Variants in NRCAM observed in about 807,000 individuals in gnomAD.
NRCAM encodes neuronal cell adhesion molecule, also known as NgCAM-related cell adhesion molecule.
NRCAM carries 83 observed loss-of-function variants against 156.5 expected under a neutral mutation model. The observed-to-expected ratio is 0.53, with a 90% CI of 0.44 to 0.64. The LOEUF is 0.64. Among genes scored for constraint, NRCAM ranks in the 30% least tolerant of loss-of-function variants. NRCAM has a pLI of 0.00. For missense variants in NRCAM, 1,417 were observed against 1,597.3 expected (o/e 0.89, Z 1.92); for synonymous variants, 538 against 563.9 (o/e 0.95, Z 0.65).
At chr7:108,274,347 G>A (rs184760772) in intron 3 of NRCAM, among the ~76,000 whole-genome samples, 1 of 152,268 alleles carries the variant, frequency 6.6e-6, no homozygotes, top group East Asian at 1.9e-4. Context: ...CTATTTTCAG[G>A]ATATTGATTC....
At chr7:108,278,677 T>C (rs934468300) in intron 3 of NRCAM, among the ~76,000 whole-genome samples, 5 of 152,200 alleles carry the variant, frequency 3.3e-5, no homozygotes, top group African/African-American at 1.2e-4. Context: ...TTCCCTTGGC[T>C]AGGAAAGGGA....
intron 2 of NRCAM, among the ~76,000 whole-genome samples, chr7:108,386,418 T>C (rs747513555): frequency 6.6e-6 from 1 of 152,328 alleles, no homozygotes; most frequent in East Asian, 1.9e-4. Context: ...AATTAATTGA[T>C]TGGAAATAAA....
intron 11 of NRCAM, among the ~76,000 whole-genome samples, chr7:108,212,795 A>T (rs1000391866): frequency 2.0e-5 from 3 of 152,206 alleles, no homozygotes; most frequent in Admixed American, 6.5e-5. Flanking sequence ...CTGAGGAATA[A>T]GAGAAATCTA....
chr7:108,228,999 G>A (rs773886763), intron 8 of NRCAM, among the ~76,000 whole-genome samples: 6 of 152,168 alleles, frequency 3.9e-5, no homozygotes, highest in Non-Finnish European at 7.4e-5. Context: ...TTAAAATGCA[G>A]ATTAAATGTT....
chr7:108,212,583 C>T (rs1225060266), intron 11 of NRCAM, among the ~76,000 whole-genome samples: 3 of 152,088 alleles, frequency 2.0e-5, no homozygotes, highest in African/African-American at 7.2e-5. Flanking sequence ...ATTGGACACA[C>T]TTATAGAAAT....
In NRCAM at chr7:108,160,844, T is replaced by A. The variant is rs146032009; in HGVS notation, c.3467-352A>T. Reference sequence around the variant, plus strand: ...TTAACAGGATACATTTTACATTAAGTATAATGAGAAAAATACAAAACTGAG... The same window carrying A: ...TTAACAGGATACATTTTACATTAAGAATAATGAGAAAAATACAAAACTGAG... On this transcript the variant is annotated intron_variant, in intron 30 of 32. Transcript: ENST00000379028. Among the ~76,000 whole-genome samples, 837 of 152,272 alleles carry A rather than the reference T, an allele frequency of 5.5e-3. 9 individuals are homozygous for A. The highest frequency in any genetic ancestry group is 4.7e-3 in the Non-Finnish European group (322 of 68,010).
intron 1 of NRCAM, among the ~76,000 whole-genome samples, chr7:108,439,472 G>C (rs1835999324): frequency 6.6e-6 from 1 of 152,160 alleles, no homozygotes; most frequent in Non-Finnish European, 1.5e-5. Flanking sequence ...ATAGCTATGA[G>C]AATATGCTCC....
chr7:108,373,241 T>G (rs893116511), intron 2 of NRCAM, among the ~76,000 whole-genome samples: 1 of 152,138 alleles, frequency 6.6e-6, no homozygotes, highest in Admixed American at 6.6e-5. Context: ...AAGTTTTAAT[T>G]AAGCAAGATG....
At chr7:108,195,580 C>T (rs112673479) in intron 15 of NRCAM, among the ~76,000 whole-genome samples, 181 bp downstream of exon 15, 2,071 of 152,016 alleles carry the variant, frequency 0.014, 48 homozygotes, top group African/African-American at 0.047. Flanking sequence ...TGTGCCACTG[C>T]ACTCCAGCCT....
Position 108,147,675 on chromosome 7 carries a change from C to CT in NRCAM, c.*2234dup, listed in dbSNP as rs2039539892. On this transcript the variant is annotated 3_prime_UTR_variant, in exon 33 of 33. Transcript: ENST00000379028. ...AGAGATCAAGACTGTTTAATAGTTA[C>CT]TTTTTTGAGGGAAATCCAGTCACAT... 2 of 152,238 alleles carry CT rather than the reference C, an allele frequency of 1.3e-5. No homozygotes were observed. The highest frequency in any genetic ancestry group is 1.3e-4 in the Admixed American group (2 of 15,274). The allele number at this position is 152,238 out of a possible 1,614,324, so 9.4% of individuals were successfully genotyped here.
At position 108,273,448 on chromosome 7, in the gene NRCAM, T is replaced by C. The variant is rs528444083; in HGVS notation, c.-106-33278A>G. Among the ~76,000 whole-genome samples the C allele has an allele frequency of 2.6e-5, 4 of 152,346 alleles. No individual in the cohort carries two copies. The East Asian group carries it at 5.8e-4, about 22-fold the overall frequency. ...TTTTAATGATCGCCCTTCTAACTGG[T>C]GTGAGATGGTATCTCATTGTGGTTT... On this transcript the variant is annotated intron_variant, in intron 3 of 32. Transcript: ENST00000379028.
At position 108,295,102 on chromosome 7, in the gene NRCAM, C is replaced by G. The variant is rs138065364; in HGVS notation, c.-107+17563G>C. On this transcript the variant is annotated intron_variant, in intron 3 of 32. Transcript: ENST00000379028. ...AGAGATTGTCAAGTATTTTGCAGCC[C>G]TCATTAAATCTGTTGATTTTGTATT... Among the ~76,000 whole-genome samples the G allele has an allele frequency of 1.4e-3, 215 of 152,222 alleles. 1 individual carries two copies. The highest frequency in any genetic ancestry group is 4.7e-3 in the African/African-American group (195 of 41,530).
At chr7:108,308,857 A>G (rs2098757404) in intron 3 of NRCAM, among the ~76,000 whole-genome samples, 1 of 152,240 alleles carries the variant, frequency 6.6e-6, no homozygotes. Context: ...TGCAAGAGGC[A>G]GAAATGAGAT....
chr7:108,377,181 T>C (rs934685994), intron 2 of NRCAM, among the ~76,000 whole-genome samples: 5 of 152,058 alleles, frequency 3.3e-5, no homozygotes, highest in Admixed American at 6.6e-5. Flanking sequence ...GAATGGAACA[T>C]ACAGACTGAA....
At chr7:108,344,232 A>G (rs1355100257) in intron 2 of NRCAM, among the ~76,000 whole-genome samples, 3 of 152,210 alleles carry the variant, frequency 2.0e-5, no homozygotes, top group African/African-American at 7.2e-5. Flanking sequence ...TGGGAAGGTG[A>G]CTGCAACCAC....
At chr7:108,455,202 C>T (rs997541251) in intron 1 of NRCAM, among the ~76,000 whole-genome samples, 15 of 152,144 alleles carry the variant, frequency 9.9e-5, no homozygotes, top group African/African-American at 2.4e-5. Context: ...ACTGCGACAC[C>T]CCGTCCCCCT....
At chr7:108,182,578 G>T in intron 23 of NRCAM, 117 bp downstream of exon 23, 1 of 798,850 alleles carries the variant, frequency 1.3e-6, no homozygotes, top group Non-Finnish European at 2.1e-6. Flanking sequence ...ATTCAGAGAA[G>T]TCGTGCAAAA....
At chr7:108,309,677 T>G (rs996507672) in intron 3 of NRCAM, among the ~76,000 whole-genome samples, 1 of 152,080 alleles carries the variant, frequency 6.6e-6, no homozygotes, top group Admixed American at 6.5e-5. Flanking sequence ...GCCAACATGG[T>G]GAAACCCTGT....
chr7:108,268,649 G>A (rs1229664506), intron 3 of NRCAM, among the ~76,000 whole-genome samples: 4 of 146,806 alleles, frequency 2.7e-5, no homozygotes, highest in South Asian at 4.6e-4. Context: ...GGGGGGCGGC[G>A]GTGGCGGGAA....
Sources: gnomAD v4.1 joint callset for allele counts (sites outside exome capture counted in the v4.1 genomes callset) on GRCh38, gnomAD v4.1.1 for gene constraint, MANE v1.5 for transcripts, NCBI Gene and HGNC (gene_info 2026-07-23, HGNC 2026-07-21) for gene names.